DENND5A: variants seen among roughly 807,000 people sequenced by gnomAD.
The protein encoded by DENND5A is DENN domain-containing protein 5A.
A neutral mutation model predicts 140.3 loss-of-function variants in DENND5A; 64 were observed. That is an observed-to-expected ratio of 0.46 (90% CI 0.37 to 0.56). DENND5A has a LOEUF of 0.56. DENND5A is among the 20% of genes least tolerant of loss of function. The probability of loss-of-function intolerance (pLI) is 0.00; values close to 1 mark genes in which losing one functional copy is unlikely to be tolerated. For missense variants in DENND5A, 1,292 were observed against 1,593.8 expected (o/e 0.81, Z 3.22); for synonymous variants, 605 against 607.7 (o/e 1.00, Z 0.07).
chr11:9,187,008 C>T (rs1437712248), intron 5 of DENND5A, among the ~76,000 whole-genome samples: 1 of 152,078 alleles, frequency 6.6e-6, no homozygotes, highest in East Asian at 1.9e-4. Flanking sequence ...TGCTTGAACC[C>T]GTGAAGCAGA....
chr11:9,193,714 CAA>C (rs1481339130), intron 4 of DENND5A, 33 bp from the exon 5 acceptor site: 1 of 1,557,820 alleles, frequency 6.4e-7, no homozygotes, highest in African/African-American at 1.4e-5. Context: ...AGCACACACA[CAA>C]ATCAGTCAAA....
Position 9,170,789 on chromosome 11 carries a change from TACACACAC to T in DENND5A, c.1907-20_1907-13del, listed in dbSNP as rs10550560. On this transcript the variant is annotated splice_polypyrimidine_tract_variant and intron_variant, in intron 8 of 22. Transcript: ENST00000328194. ...CTCAATTGCTTTCTCTGGATGAGAA[TACACACAC>T]ACACACACACACACACACACATAAA... 7 of 1,582,890 alleles carry T rather than the reference TACACACAC, an allele frequency of 4.4e-6. No homozygotes were observed. Among genetic ancestry groups the T allele is most frequent in the African/African-American group, 4.1e-5 (3 of 72,642 alleles).
chr11:9,238,981 G>A (rs1441466684), intron 1 of DENND5A, among the ~76,000 whole-genome samples: 6 of 150,352 alleles, frequency 4.0e-5, no homozygotes, highest in Non-Finnish European at 7.4e-5. Context: ...ACAGGTGCAC[G>A]CCACCACACC....
intron 22 of DENND5A, among the ~76,000 whole-genome samples, chr11:9,141,239 A>C (rs1847227677): frequency 6.6e-6 from 1 of 152,220 alleles, no homozygotes; most frequent in South Asian, 2.1e-4. Flanking sequence ...ATAACTAGAT[A>C]TACTCTGCTT....
chr11:9,249,891 T>C (rs1427189277), intron 1 of DENND5A, among the ~76,000 whole-genome samples: 1 of 152,046 alleles, frequency 6.6e-6, no homozygotes, highest in Non-Finnish European at 1.5e-5. Context: ...TGCACTACGT[T>C]GCCCGGGCTA....
At chr11:9,227,169 AAAATAAATAAAT>A (rs540334549) in intron 1 of DENND5A, among the ~76,000 whole-genome samples, 67 of 145,836 alleles carry the variant, frequency 4.6e-4, no homozygotes, top group Non-Finnish European at 8.1e-4. Flanking sequence ...ACTCCATCTC[AAAATAAATAAAT>A]AAATAAATAA....
intron 1 of DENND5A, among the ~76,000 whole-genome samples, chr11:9,237,038 C>T (rs1005367457): frequency 6.6e-6 from 1 of 152,000 alleles, no homozygotes; most frequent in African/African-American, 2.4e-5. Context: ...GGACAAAAGG[C>T]CTGAACAGAC....
chr11:9,161,097 C>CGG, intron 11 of DENND5A, among the ~76,000 whole-genome samples: 1 of 152,304 alleles, frequency 6.6e-6, no homozygotes, highest in South Asian at 2.1e-4. Context: ...CCTGTAATCC[C>CGG]AGCACTCTGG....
At chr11:9,143,106 G>C in intron 20 of DENND5A, 1 of 590,824 alleles carries the variant, frequency 1.7e-6, no homozygotes, top group East Asian at 2.8e-5. Context: ...AGCCAGTGTG[G>C]CCACTATTCA....
At chr11:9,197,611 C>G (rs987980871) in intron 4 of DENND5A, among the ~76,000 whole-genome samples, 1 of 150,678 alleles carries the variant, frequency 6.6e-6, no homozygotes, top group South Asian at 2.1e-4. Context: ...ACAAGAACTG[C>G]TTGAACCCAG....
chr11:9,248,958 C>T lies in DENND5A; in HGVS notation c.109+16003G>A, dbSNP rs79190332. On this transcript the variant is annotated intron_variant, in intron 1 of 22. Coordinates refer to ENST00000328194, the MANE Select transcript of DENND5A (RefSeq NM_015213.4). Reference sequence around the variant, plus strand: ...ACCTGAAAAAATAACCAAGTCCTGGCTGGGCGCGGTGGCTCACACCTGTAA... The same window carrying T: ...ACCTGAAAAAATAACCAAGTCCTGGTTGGGCGCGGTGGCTCACACCTGTAA... Among the ~76,000 whole-genome samples the T allele has an allele frequency of 2.2e-3, 329 of 152,240 alleles. 2 individuals are homozygous for T. The highest frequency in any genetic ancestry group is 7.6e-3 in the African/African-American group (316 of 41,536).
At chr11:9,211,043 T>C (rs12222684) in intron 1 of DENND5A, among the ~76,000 whole-genome samples, 35,634 of 152,016 alleles carry the variant, frequency 0.23, 4,525 homozygotes, top group East Asian at 0.39. Context: ...GATTCTCAAG[T>C]AGGGAAGAAG....
intron 15 of DENND5A, 56 bp downstream of exon 15, chr11:9,150,025 A>G: frequency 3.2e-6 from 5 of 1,559,686 alleles, no homozygotes; most frequent in Non-Finnish European, 3.5e-6. Context: ...ACAAGTTTCC[A>G]ATCTCTTCCC....
In DENND5A at chr11:9,189,135, A is replaced by T. The variant is rs539877204; in HGVS notation, c.1137+4359T>A. Among the ~76,000 whole-genome samples the T allele has an allele frequency of 2.3e-3, 347 of 152,318 alleles. 2 individuals carry two copies. Among genetic ancestry groups the T allele is most frequent in the African/African-American group, 8.0e-3 (331 of 41,568 alleles). ...CCCAGCTGCTCCAGCTGTGGCTGAA[A>T]GGGGCTATCACAGAGCTCAGGCTGT... On this transcript the variant is annotated intron_variant, in intron 5 of 22. Coordinates refer to ENST00000328194, the MANE Select transcript of DENND5A (RefSeq NM_015213.4).
chr11:9,238,357 G>GTA (rs1851089011), intron 1 of DENND5A, among the ~76,000 whole-genome samples: 2 of 100,638 alleles, frequency 2.0e-5, no homozygotes, highest in Admixed American at 1.1e-4. Flanking sequence ...ATGTGTGTGT[G>GTA]TGTATATATA....
Position 9,204,449 on chromosome 11 carries a change from T to G in DENND5A, c.292-132A>C, listed in dbSNP as rs973887897. The G allele has an allele frequency of 4.9e-6, 4 of 811,242 alleles. No homozygotes were observed. The African/African-American group carries it at 6.9e-5, about 14-fold the overall frequency. 50.3% of individuals were successfully genotyped at this position (811,242 alleles called of 1,614,324 possible). A position where few individuals can be genotyped will look rare whatever the true frequency, so the allele number is the denominator to read the frequency against. ...TGTATCTGGCTTAAAGCTCTCTCTT[T>G]CTAATGCAAGACATGCAAGTAAATA... On this transcript the variant is annotated intron_variant, in intron 3 of 22. Coordinates refer to ENST00000328194, the MANE Select transcript of DENND5A (RefSeq NM_015213.4).
chr11:9,202,831 C>G (rs550301073), intron 4 of DENND5A, among the ~76,000 whole-genome samples: 1 of 152,344 alleles, frequency 6.6e-6, no homozygotes, highest in African/African-American at 2.4e-5. Flanking sequence ...CAGATATTAA[C>G]AGGTCACTCA....
In DENND5A at chr11:9,264,941, C is replaced by G; in HGVS notation, c.109+20G>C. ...CGACAGCGGGCGCGGGAAAGCGCCC[C>G]GGGCTCGGCGCGCACTCACCCGACA... is the stretch of plus-strand genomic sequence containing the variant. On this transcript the variant is annotated intron_variant, in intron 1 of 22. Coordinates refer to ENST00000328194, the MANE Select transcript of DENND5A (RefSeq NM_015213.4). 6.5e-7 allele frequency: 1 copy of G among 1,536,218 alleles called. No individual in the cohort carries two copies. Among genetic ancestry groups the G allele is most frequent in the Non-Finnish European group, 8.8e-7 (1 of 1,139,138 alleles).
chr11:9,258,212 G>A (rs1852034387), intron 1 of DENND5A, among the ~76,000 whole-genome samples: 1 of 152,018 alleles, frequency 6.6e-6, no homozygotes, highest in Non-Finnish European at 1.5e-5. Context: ...TGGCATGGTG[G>A]TTTGCTGCAC....
Sources: gnomAD v4.1 joint callset for allele counts (sites outside exome capture counted in the v4.1 genomes callset) on GRCh38, gnomAD v4.1.1 for gene constraint, MANE v1.5 for transcripts, NCBI Gene and HGNC (gene_info 2026-07-23, HGNC 2026-07-21) for gene names.